Variants in ABCA6 observed in about 807,000 individuals in gnomAD.
ABCA6 encodes the protein ATP-binding cassette sub-family A member 6.
ABCA6 carries 164 observed loss-of-function variants against 191.2 expected under a neutral mutation model. That is an observed-to-expected ratio of 0.86 (90% confidence interval 0.76 to 0.98). The LOEUF (loss-of-function observed/expected upper bound fraction) is 0.98. ABCA6 is among the 50% of genes least tolerant of loss of function. ABCA6 has a pLI of 0.00. For missense variants in ABCA6, 1,958 were observed against 1,894.1 expected (o/e 1.03, Z -0.63); for synonymous variants, 636 against 647.7 (o/e 0.98, Z 0.27).
At chr17:69,103,445 A>G (rs1323610826) in intron 20 of ABCA6, among the ~76,000 whole-genome samples, 1 of 152,216 alleles carries the variant, frequency 6.6e-6, no homozygotes, top group African/African-American at 2.4e-5. Flanking sequence ...ATTTACGTAC[A>G]TATTCCATAC....
chr17:69,121,966 A>T (rs1270259120), intron 10 of ABCA6, among the ~76,000 whole-genome samples: 2 of 152,010 alleles, frequency 1.3e-5, no homozygotes, highest in Non-Finnish European at 2.9e-5. Context: ...TAAGAACTAG[A>T]TGGAGGAAGC....
At position 69,089,609 on chromosome 17, in the gene ABCA6, A is replaced by G. The variant is rs185828511; in HGVS notation, c.3529-67T>C. The G allele has an allele frequency of 1.6e-5, 21 of 1,283,310 alleles. No homozygotes were observed. In the Admixed American group the frequency reaches 4.0e-4, roughly 24 times the overall value. The allele number at this position is 1,283,310 out of a possible 1,614,324, so 79.5% of individuals were successfully genotyped here. The stretch of plus-strand genomic sequence containing the variant: ...CATCTGCTTTATGATTTGCACTTAA[A>G]TAATATAAAATTCACATATTGAATA... On this transcript the variant is annotated intron_variant, in intron 26 of 38. Coordinates refer to ENST00000284425, the MANE Select transcript of ABCA6 (RefSeq NM_080284.3).
At chr17:69,138,567 A>C (rs1185406452) in intron 2 of ABCA6, among the ~76,000 whole-genome samples, 1 of 151,802 alleles carries the variant, frequency 6.6e-6, no homozygotes, top group African/African-American at 2.4e-5. Context: ...GCTACCAATG[A>C]CTTTCTTCAC....
intron 11 of ABCA6, 63 bp downstream of exon 11, chr17:69,117,835 G>T: frequency 8.0e-7 from 1 of 1,243,908 alleles, no homozygotes; most frequent in Non-Finnish European, 1.1e-6. Flanking sequence ...CACATTGAAT[G>T]TTTCCCTTTT....
Position 69,105,470 on chromosome 17 carries a change from T to C in ABCA6, c.2732A>G (p.Asn911Ser), listed in dbSNP as rs755050095. 3.7e-6 allele frequency: 6 copies of C among 1,605,630 alleles called. No homozygotes were observed. The highest frequency in any genetic ancestry group is 5.1e-6 in the Non-Finnish European group (6 of 1,178,190). Residue 911 changes from asparagine (N) to serine (S), a missense_variant, in exon 20 of 39, where the codon AAT becomes AGT. Transcript: ENST00000284425. ...TTTATTTTTCTTTTCACCTGTGTTATTGATGATCAACAGGCTGGTACGGGG... is the reference window on the plus strand; with the variant it reads ...TTTATTTTTCTTTTCACCTGTGTTACTGATGATCAACAGGCTGGTACGGGG... Reference protein sequence around the residue: ...QEPRTSLLIINNTESNIEDFI... With the variant: ...QEPRTSLLIISNTESNIEDFI...
chr17:69,106,040 A>G lies in ABCA6; in HGVS notation c.2561T>C (p.Val854Ala). The G allele has an allele frequency of 1.2e-6, 2 of 1,611,588 alleles. No homozygotes were observed. The highest frequency in any genetic ancestry group is 2.2e-5 in the South Asian group (2 of 90,462). ...CTCTCCTACTCACAGGGTCAATAAC[A>G]CTTTAGTTTGACGTTTTAACTTTAA... is the stretch of plus-strand genomic sequence containing the variant. Reference protein sequence around the residue: ...RFLKLKRQTKVLLTLLLVFGI... With the variant: ...RFLKLKRQTKALLTLLLVFGI... The change falls in exon 19 of 39, where the codon GTG becomes GCG. Residue 854 changes from valine (V) to alanine (A), a missense_variant. Physicochemically the swap from Val to Ala is moderately conservative, Grantham distance 64 (BLOSUM62 0). Transcript: ENST00000284425.
rs576128426 is a variant in ABCA6 at position 69,137,104 on chromosome 17, C to T, written c.301+192G>A. On this transcript the variant is annotated intron_variant, in intron 3 of 38. Coordinates refer to ENST00000284425, the MANE Select transcript of ABCA6 (RefSeq NM_080284.3). ...TATGGACCTCCCTAAACTGGACTCC[C>T]AACAAGCTGAAAATATTTCAAAGGC... Among the ~76,000 whole-genome samples, 7 of 152,220 alleles carry T rather than the reference C, an allele frequency of 4.6e-5. No individual in the cohort carries two copies. In the East Asian group the frequency reaches 1.4e-3, roughly 29 times the overall value.
intron 26 of ABCA6, among the ~76,000 whole-genome samples, chr17:69,089,763 A>G (rs1355929755): frequency 2.0e-5 from 3 of 152,158 alleles, no homozygotes; most frequent in African/African-American, 7.2e-5. Context: ...TCCTCTCTTC[A>G]ATTCTTTGTT....
intron 16 of ABCA6, chr17:69,111,743 A>G (rs943249487): frequency 6.2e-6 from 1 of 161,186 alleles, no homozygotes; most frequent in African/African-American, 2.4e-5. Flanking sequence ...ACTAATATAT[A>G]CACTTTTTTG....
Position 69,083,247 on chromosome 17 carries a change from A to G in ABCA6, c.4440T>C (p.Cys1480=), listed in dbSNP as rs1450160928. The change falls in exon 35 of 39, where the codon TGT becomes TGC. Residue 1480 remains cysteine (C), a synonymous_variant. Coordinates refer to ENST00000284425, the MANE Select transcript of ABCA6 (RefSeq NM_080284.3). ...CAGACACCATGATGGCCACACGGTC[A>G]CACAAGGCTTCCGCCTCAGCCAGGT... ...THNLAEAEAL[C]DRVAIMVSGR... 2 of 1,608,862 alleles carry G rather than the reference A, an allele frequency of 1.2e-6. No homozygotes were observed. Among genetic ancestry groups the G allele is most frequent in the Admixed American group, 1.7e-5 (1 of 58,422 alleles).
At chr17:69,126,657 T>TA (rs1280914680) in intron 8 of ABCA6, among the ~76,000 whole-genome samples, 1 of 151,532 alleles carries the variant, frequency 6.6e-6, no homozygotes, top group African/African-American at 2.4e-5. Context: ...AAAATAAAAA[T>TA]AAAAAAAGAT....
chr17:69,084,648 GT>G, intron 32 of ABCA6, 141 bp from the exon 33 acceptor site: 1 of 757,130 alleles, frequency 1.3e-6, no homozygotes, highest in Non-Finnish European at 2.0e-6. Context: ...AAAGAGATTG[GT>G]TTATTTTGGA....
At chr17:69,107,675 G>C (rs1434638047) in intron 18 of ABCA6, 21 bp downstream of exon 18, 1 of 1,483,244 alleles carries the variant, frequency 6.7e-7, no homozygotes, top group Non-Finnish European at 9.3e-7. Flanking sequence ...GGTTTTCTGT[G>C]AATTATACAA....
rs200796644 is a variant in ABCA6, at chr17:69,118,097, G to GA, written c.1437-142dup. 357 of 509,950 alleles carry GA rather than the reference G, an allele frequency of 7.0e-4. 3 individuals are homozygous for GA. The East Asian group carries it at 8.1e-3, about 12-fold the overall frequency. 31.6% of individuals were successfully genotyped at this position (509,950 alleles called of 1,614,324 possible). A position where few individuals can be genotyped will look rare whatever the true frequency, so the allele number is the denominator to read the frequency against. On this transcript the variant is annotated intron_variant, in intron 10 of 38. Coordinates refer to ENST00000284425, the MANE Select transcript of ABCA6 (RefSeq NM_080284.3). ...ATGGCATAAACAGTCTATTCAGAAA[G>GA]AAAAAACCCTATTTTTGATTACTTA...
intron 23 of ABCA6, among the ~76,000 whole-genome samples, chr17:69,097,381 A>G (rs756031169): frequency 1.4e-5 from 2 of 142,252 alleles, no homozygotes; most frequent in African/African-American, 5.6e-5. Context: ...ACAGAGTGAG[A>G]CTCCATCTCA....
chr17:69,105,747 C>T, intron 19 of ABCA6, 119 bp from the exon 20 acceptor site: 1 of 859,324 alleles, frequency 1.2e-6, no homozygotes, highest in South Asian at 1.9e-5. Flanking sequence ...ATTCTAGGTG[C>T]TAAAATTCTG....
Position 69,106,190 on chromosome 17 carries a change from A to G in ABCA6, c.2411T>C (p.Ile804Thr), listed in dbSNP as rs1269233742. The change falls in exon 19 of 39, where the codon ATA (isoleucine) becomes ACA (threonine). Residue 804 changes from isoleucine (I) to threonine (T), a missense_variant. Physicochemically the swap from Ile to Thr is moderately conservative, Grantham distance 89 (BLOSUM62 -1). Coordinates refer to ENST00000284425, the MANE Select transcript of ABCA6 (RefSeq NM_080284.3). ...IEQDFEQVEM[I>T]RDSESLNEME... ...TTCATTGAGGCTTTCTGAGTCTCTT[A>G]TCATCTCCACTTGTTCGAAATCTAT... The G allele has an allele frequency of 6.2e-7, 1 of 1,612,438 alleles. No homozygotes were observed. Among genetic ancestry groups the G allele is most frequent in the Non-Finnish European group, 8.5e-7 (1 of 1,179,434 alleles).
At position 69,083,279 on chromosome 17, in the gene ABCA6, T is replaced by A; in HGVS notation, c.4408A>T (p.Thr1470Ser). The change falls in exon 35 of 39, where the codon ACC becomes TCC. Residue 1470 changes from threonine to serine, a missense_variant. Transcript: ENST00000284425. ...KNTERGVLLTTHNLAEAEALC... is the reference protein window; with the variant it reads ...KNTERGVLLTSHNLAEAEALC... ...GCTTCCGCCTCAGCCAGGTTATGGGTGGTCAGGAGGACACCTCTCTCTGTG... is the reference window on the plus strand; with the variant it reads ...GCTTCCGCCTCAGCCAGGTTATGGGAGGTCAGGAGGACACCTCTCTCTGTG... 6.2e-7 allele frequency: 1 copy of A among 1,609,528 alleles called. No individual in the cohort carries two copies. The highest frequency in any genetic ancestry group is 8.5e-7 in the Non-Finnish European group (1 of 1,178,748).
At chr17:69,138,055 G>C (rs1464648396) in intron 2 of ABCA6, among the ~76,000 whole-genome samples, 1 of 152,158 alleles carries the variant, frequency 6.6e-6, no homozygotes, top group Non-Finnish European at 1.5e-5. Flanking sequence ...GATATGGGCA[G>C]AAGTGATATG....
Sources: gnomAD v4.1 joint callset for allele counts (sites outside exome capture counted in the v4.1 genomes callset) on GRCh38, gnomAD v4.1.1 for gene constraint, MANE v1.5 for transcripts, NCBI Gene and HGNC (gene_info 2026-07-23, HGNC 2026-07-21) for gene names.